The following NELFB variants were observed in gnomAD, a reference collection of about 807,000 sequenced individuals.
The protein encoded by NELFB is negative elongation factor B.
Under a neutral mutation model 60.2 loss-of-function variants are expected in NELFB, and 34 were observed. The observed-to-expected ratio is 0.56, with a 90% CI of 0.43 to 0.75. The LOEUF (loss-of-function observed/expected upper bound fraction) is 0.75, where lower values mean the gene tolerates loss of function less well. NELFB is among the 30% of genes least tolerant of loss of function. The pLI, the probability that NELFB is intolerant of heterozygous loss-of-function variation, is 0.00. For missense variants in NELFB, 770 were observed against 831.6 expected, an observed-to-expected ratio of 0.93 and a Z score of 0.91; for synonymous variants, 459 against 382.1, an observed-to-expected ratio of 1.20 and a Z score of -2.35.
At chr9:137,263,305 C>A in intron 5 of NELFB, 83 bp downstream of exon 5, 1 of 1,332,816 alleles carries the variant, frequency 7.5e-7, no homozygotes, top group Non-Finnish European at 1.0e-6. Flanking sequence ...ACTCCCCGGC[C>A]CTCCCTCCTT....
intron 7 of NELFB, among the ~76,000 whole-genome samples, 163 bp from the exon 8 acceptor site, chr9:137,266,168 G>A (rs951492958): frequency 3.3e-5 from 5 of 152,386 alleles, no homozygotes; most frequent in Admixed American, 3.3e-4. Context: ...GTGCTTCCCC[G>A]CTGTGAGACT....
In NELFB at chr9:137,265,974, C is replaced by G; in HGVS notation, c.1138C>G (p.Pro380Ala). ...GGAGCTGGTCGGCCAGGAGACACTGCCCAGGGTGAGTGTGGGCTTGGCCAG... is the reference window on the plus strand; with the variant it reads ...GGAGCTGGTCGGCCAGGAGACACTGGCCAGGGTGAGTGTGGGCTTGGCCAG... The change falls in exon 7 of 13, where the codon CCC becomes GCC. Residue 380 changes from proline (P) to alanine (A), a missense_variant. Transcript: ENST00000343053. The G allele has an allele frequency of 6.2e-7, 1 of 1,609,532 alleles. No homozygotes were observed.
At chr9:137,257,185 T>TG (rs1837568518) in intron 4 of NELFB, 131 bp downstream of exon 4, 2 of 752,306 alleles carry the variant, frequency 2.7e-6, no homozygotes, top group Non-Finnish European at 4.3e-6. Flanking sequence ...GGCTGGGTGG[T>TG]GGGGGAGGGC....
chr9:137,263,258 T>A, intron 5 of NELFB, 36 bp downstream of exon 5: 1 of 1,552,950 alleles, frequency 6.4e-7, no homozygotes, highest in East Asian at 2.3e-5. Context: ...CCTACCCTCC[T>A]GAAGGTAGTG....
In NELFB at chr9:137,263,081, G is replaced by C. The variant is rs776027408; in HGVS notation, c.786G>C (p.Leu262=). Residue 262 remains leucine (L), a synonymous_variant, in exon 5 of 13, where the codon CTG becomes CTC. Coordinates refer to ENST00000343053, the MANE Select transcript of NELFB (RefSeq NM_015456.5). ...GGATGGTGGGGAAGAACGTGAAGCT[G>C]TACGACATGGTGCTGCAGTTTCTGC... 4.3e-6 allele frequency: 7 copies of C among 1,614,014 alleles called. No individual in the cohort carries two copies. The Admixed American group carries it at 5.0e-5, about 12-fold the overall frequency.
At chr9:137,261,080 C>G (rs1178198164) in intron 4 of NELFB, among the ~76,000 whole-genome samples, 2 of 151,150 alleles carry the variant, frequency 1.3e-5, no homozygotes, top group Non-Finnish European at 2.9e-5. Context: ...CAGTGACTCA[C>G]GCCTGTAATC....
rs752588264 is a variant in NELFB, at chr9:137,267,227, GC to G, written c.1383-9del. 1.2e-6 allele frequency: 2 copies of G among 1,609,532 alleles called. No homozygotes were observed. Among genetic ancestry groups the G allele is most frequent in the Non-Finnish European group, 1.7e-6 (2 of 1,177,486 alleles). ...GTGGGGCTGAGGTGGGGCTGATGGCGCCCCGGGCGCAGGTTTCTGCAGGAGC... is the reference window on the plus strand; with the variant it reads ...GTGGGGCTGAGGTGGGGCTGATGGCGCCCGGGCGCAGGTTTCTGCAGGAGC... On this transcript the variant is annotated splice_polypyrimidine_tract_variant and intron_variant, in intron 9 of 12. Transcript: ENST00000343053.
Position 137,256,956 on chromosome 9 carries a change from C to A in NELFB, c.643C>A (p.Gln215Lys). ...GGACGAGGTTTCCCCACTCCTGAAG[C>A]AGTACATCCTGGAGAAGGAGAGCGC... The change falls in exon 4 of 13, where the codon CAG becomes AAG. Residue 215 changes from glutamine to lysine, a missense_variant. Physicochemically the swap from Gln to Lys is moderately conservative, Grantham distance 53. Coordinates refer to ENST00000343053, the MANE Select transcript of NELFB (RefSeq NM_015456.5). The A allele has an allele frequency of 6.2e-7, 1 of 1,614,172 alleles. No homozygotes were observed. Among genetic ancestry groups the A allele is most frequent in the Non-Finnish European group, 8.5e-7 (1 of 1,180,036 alleles).
chr9:137,255,700 T>G (rs933655559), intron 1 of NELFB, 89 bp downstream of exon 1: 5 of 1,453,188 alleles, frequency 3.4e-6, no homozygotes, highest in Non-Finnish European at 2.8e-6. Context: ...CCGGAAGTTT[T>G]CCGGCTTTCT....
chr9:137,270,260 G>A lies in NELFB; in HGVS notation c.1490-1821G>A, dbSNP rs371316718. 6.0e-4 allele frequency among the ~76,000 whole-genome samples: 85 copies of A among 141,042 alleles called. 2 individuals carry two copies. Among genetic ancestry groups the A allele is most frequent in the African/African-American group, 2.0e-3 (76 of 37,852 alleles). 92.5% of individuals were successfully genotyped at this position (141,042 alleles called of 152,430 possible). A position where few individuals can be genotyped will look rare whatever the true frequency, so the allele number is the denominator to read the frequency against. On this transcript the variant is annotated intron_variant, in intron 10 of 12. Transcript: ENST00000343053. ...CACGGCACTGCCCTCCAGCCTGGGC[G>A]ACAAAGCCAGACTCCGTCTCAAAAA...
At chr9:137,262,525 T>C (rs1236312173) in intron 4 of NELFB, among the ~76,000 whole-genome samples, 2 of 152,238 alleles carry the variant, frequency 1.3e-5, no homozygotes, top group Non-Finnish European at 2.9e-5. Context: ...TGTTATAATA[T>C]TGGAATAAAG....
intron 6 of NELFB, among the ~76,000 whole-genome samples, chr9:137,265,031 C>CTTTTTTTTTTTTT: frequency 7.9e-6 from 1 of 126,174 alleles, no homozygotes; most frequent in Non-Finnish European, 1.6e-5. Context: ...TTTTTTCTTC[C>CTTTTTTTTTTTTT]TTTTTTTTTT....
Position 137,266,424 on chromosome 9 carries a change from A to G in NELFB, c.1237A>G (p.Met413Val), listed in dbSNP as rs758484561. ...CAGCCAGGTCTTCAAGGAGCCCAAG[A>G]TGGTAACGAGCCTCCTGTGGGGGCT... is the stretch of plus-strand genomic sequence containing the variant. The change falls in exon 8 of 13, where the codon ATG (methionine) becomes GTG (valine). Residue 413 changes from methionine (M) to valine (V), a missense_variant and splice_region_variant. Transcript: ENST00000343053. The G allele has an allele frequency of 6.2e-7, 1 of 1,612,430 alleles. No individual in the cohort carries two copies. The highest frequency in any genetic ancestry group is 1.1e-5 in the South Asian group (1 of 91,062).
In NELFB at chr9:137,256,934, C is replaced by T. The variant is rs1391089770; in HGVS notation, c.621C>T (p.Asp207=). The change falls in exon 4 of 13, where the codon GAC becomes GAT. Residue 207 remains aspartate (D), a synonymous_variant. Coordinates refer to ENST00000343053, the MANE Select transcript of NELFB (RefSeq NM_015456.5). ...AAGACAACCAGGCCCTCTTCGGGGA[C>T]GAGGTTTCCCCACTCCTGAAGCAGT... 26 of 1,614,032 alleles carry T rather than the reference C, an allele frequency of 1.6e-5. No individual in the cohort carries two copies. The highest frequency in any genetic ancestry group is 3.3e-5 in the Admixed American group (2 of 60,014).
In NELFB at chr9:137,263,508, C is replaced by G. The variant is rs572351203; in HGVS notation, c.927+286C>G. ...CCTCCTGAAGGTAGCATTGCCCTCC[C>G]TCCTTCCCCCTGGCCCTCCTGGCTC... On this transcript the variant is annotated intron_variant, in intron 5 of 12. Coordinates refer to ENST00000343053, the MANE Select transcript of NELFB (RefSeq NM_015456.5). Among the ~76,000 whole-genome samples, 5 of 148,538 alleles carry G rather than the reference C, an allele frequency of 3.4e-5. No homozygotes were observed. In the East Asian group the frequency reaches 5.9e-4, roughly 18 times the overall value.
At chr9:137,264,427 T>G (rs1588187719) in intron 6 of NELFB, 70 bp downstream of exon 6, 2 of 1,145,846 alleles carry the variant, frequency 1.7e-6, no homozygotes, top group Non-Finnish European at 2.5e-6. Context: ...CTTGCTGTGT[T>G]TTGCCGTGGG....
chr9:137,266,014 A>G, intron 7 of NELFB, 35 bp downstream of exon 7: 1 of 1,494,088 alleles, frequency 6.7e-7, no homozygotes, highest in South Asian at 1.1e-5. Context: ...TGTCGGGGCC[A>G]TGCGGCCACT....
intron 10 of NELFB, among the ~76,000 whole-genome samples, chr9:137,270,088 G>A (rs1205694997): frequency 6.6e-6 from 1 of 152,130 alleles, no homozygotes; most frequent in African/African-American, 2.4e-5. Flanking sequence ...TCTGCGTGTG[G>A]CCGCCTGTCC....
intron 4 of NELFB, among the ~76,000 whole-genome samples, chr9:137,258,060 C>T (rs1255153916): frequency 6.6e-6 from 1 of 150,700 alleles, no homozygotes; most frequent in Non-Finnish European, 1.5e-5. Context: ...CCACATCAGC[C>T]TTCTAAAGTG....
Sources: gnomAD v4.1 joint callset for allele counts (sites outside exome capture counted in the v4.1 genomes callset) on GRCh38, gnomAD v4.1.1 for gene constraint, MANE v1.5 for transcripts, NCBI Gene and HGNC (gene_info 2026-07-23, HGNC 2026-07-21) for gene names.